IGSF21: variants seen among roughly 807,000 people sequenced by gnomAD.
IGSF21 encodes immunoglobulin superfamily member 21.
A neutral mutation model predicts 46.8 loss-of-function variants in IGSF21; 28 were observed. That is an observed-to-expected ratio of 0.60 (90% CI 0.44 to 0.82). The LOEUF (loss-of-function observed/expected upper bound fraction) is 0.82. Ranked by LOEUF, IGSF21 falls within the 40% of genes least tolerant of loss-of-function variation. The pLI is 0.00. For synonymous variants in IGSF21, 284 were observed against 273.6 expected (o/e 1.04, Z -0.38); for missense variants, 624 against 665.5 (o/e 0.94, Z 0.69).
chr1:18,241,632 G>A (rs368735535), intron 2 of IGSF21, among the ~76,000 whole-genome samples: 54 of 152,276 alleles, frequency 3.5e-4, no homozygotes, highest in East Asian at 9.7e-4. Context: ...CCTCGAATGC[G>A]CTGAATCCCT....
intron 1 of IGSF21, among the ~76,000 whole-genome samples, chr1:18,215,715 G>A (rs774588573): frequency 3.0e-4 from 46 of 152,164 alleles, no homozygotes; most frequent in Non-Finnish European, 5.3e-4. Context: ...CAAGAGATGA[G>A]CAGAGCAGGA....
intron 4 of IGSF21, among the ~76,000 whole-genome samples, chr1:18,342,075 T>G (rs2085848398): frequency 6.6e-6 from 1 of 151,518 alleles, no homozygotes. Context: ...TTTTGTTTGT[T>G]TGTTTGTTTG....
At position 18,322,183 on chromosome 1, in the gene IGSF21, C is replaced by A. The variant is rs1389048268; in HGVS notation, c.306-12709C>A. 1.3e-5 allele frequency among the ~76,000 whole-genome samples: 2 copies of A among 152,152 alleles called. No individual in the cohort carries two copies. The highest frequency in any genetic ancestry group is 2.4e-5 in the African/African-American group (1 of 41,432). On this transcript the variant is annotated intron_variant, in intron 3 of 9. Transcript: ENST00000251296. This position sits in a 1 kb window ranked among gnomAD's most constrained non-coding sequence, Gnocchi z 4.3. ...TCGCACACAGGAGGTGCTCAGTGAA[C>A]CTCTCACTGGTACACTGATGAACGA...
rs375296218 is a variant in IGSF21 at position 18,365,206 on chromosome 1, C to G, written c.541-17C>G. 6.4e-7 allele frequency: 1 copy of G among 1,570,504 alleles called. No individual in the cohort carries two copies. ...GTAGCACAAAATCATTTTCCCACACCCTCCTTACAATGGCAGGTTTATTTC... is the reference window on the plus strand; with the variant it reads ...GTAGCACAAAATCATTTTCCCACACGCTCCTTACAATGGCAGGTTTATTTC... On this transcript the variant is annotated splice_polypyrimidine_tract_variant and intron_variant, in intron 5 of 9. Transcript: ENST00000251296. This position sits in a 1 kb window ranked among gnomAD's most constrained non-coding sequence, Gnocchi z 4.8.
chr1:18,282,367 C>T (rs1052706486), intron 2 of IGSF21, among the ~76,000 whole-genome samples: 3 of 152,070 alleles, frequency 2.0e-5, no homozygotes, highest in Non-Finnish European at 4.4e-5. Flanking sequence ...CACTGAAGTT[C>T]GAATGTCTGG....
intron 3 of IGSF21, 72 bp downstream of exon 3, chr1:18,292,059 T>A: frequency 2.0e-6 from 3 of 1,480,710 alleles, no homozygotes; most frequent in Non-Finnish European, 2.8e-6. Flanking sequence ...AGAGGGCAGT[T>A]CTCCAGCCCT....
intron 3 of IGSF21, among the ~76,000 whole-genome samples, chr1:18,298,358 T>A (rs2085331268): frequency 6.6e-6 from 1 of 152,098 alleles, no homozygotes; most frequent in African/African-American, 2.4e-5. Flanking sequence ...CAAGGTGCCG[T>A]ATTTGAGGTA....
intron 1 of IGSF21, among the ~76,000 whole-genome samples, chr1:18,149,746 A>G (rs527306109): frequency 1.3e-5 from 2 of 152,064 alleles, no homozygotes; most frequent in African/African-American, 4.8e-5. Flanking sequence ...CTCTGGCTCC[A>G]TAATTTTTCG....
intron 1 of IGSF21, among the ~76,000 whole-genome samples, chr1:18,209,366 C>T (rs900781681): frequency 6.6e-6 from 1 of 152,198 alleles, no homozygotes; most frequent in Non-Finnish European, 1.5e-5. Flanking sequence ...TGGCCTGTCT[C>T]AATGCCTTTC....
chr1:18,181,063 CCTT>C (rs1324556244), intron 1 of IGSF21, among the ~76,000 whole-genome samples: 1 of 152,166 alleles, frequency 6.6e-6, no homozygotes, highest in African/African-American at 2.4e-5. Flanking sequence ...CTGAGTGCTC[CCTT>C]CTTCTGCATC....
chr1:18,315,466 A>T (rs1238412286), intron 3 of IGSF21, among the ~76,000 whole-genome samples: 1 of 152,204 alleles, frequency 6.6e-6, no homozygotes, highest in Non-Finnish European at 1.5e-5. Context: ...GCTCACTGTT[A>T]TCTTCCTAGT....
At chr1:18,320,573 C>G (rs1004269472) in intron 3 of IGSF21, among the ~76,000 whole-genome samples, 4 of 152,210 alleles carry the variant, frequency 2.6e-5, no homozygotes, top group Non-Finnish European at 5.9e-5. Context: ...GGGCCCCAGG[C>G]CTAACCACAG....
At chr1:18,122,648 T>C (rs1409057452) in intron 1 of IGSF21, among the ~76,000 whole-genome samples, 1 of 146,844 alleles carries the variant, frequency 6.8e-6, no homozygotes, top group Non-Finnish European at 1.5e-5. Context: ...TGAGATGGAG[T>C]CTCGCTCTGT....
chr1:18,364,317 G>C (rs1441294295), intron 5 of IGSF21, among the ~76,000 whole-genome samples: 1 of 151,900 alleles, frequency 6.6e-6, no homozygotes. Flanking sequence ...ACCAACGCAG[G>C]CTATCATGTG....
chr1:18,305,600 GGATA>G (rs1406585662), intron 3 of IGSF21, among the ~76,000 whole-genome samples: 55 of 149,034 alleles, frequency 3.7e-4, no homozygotes, highest in South Asian at 6.5e-4. Flanking sequence ...GATGGATGAT[GGATA>G]GATGGATGGA....
intron 2 of IGSF21, among the ~76,000 whole-genome samples, chr1:18,282,782 C>G (rs375680050): frequency 2.5e-4 from 38 of 152,250 alleles, no homozygotes; most frequent in African/African-American, 8.2e-4. Flanking sequence ...TGACACGCAG[C>G]CCTGAAAATG....
intron 2 of IGSF21, among the ~76,000 whole-genome samples, chr1:18,246,055 C>A (rs1173918384): frequency 6.6e-6 from 1 of 152,140 alleles, no homozygotes; most frequent in African/African-American, 2.4e-5. Flanking sequence ...GCTCTCTGAC[C>A]TTCTTTTTGT....
chr1:18,132,925 G>GGAGGGGACGGAGACAGGGGGAGA, intron 1 of IGSF21, among the ~76,000 whole-genome samples: 2 of 152,094 alleles, frequency 1.3e-5, no homozygotes, highest in Non-Finnish European at 2.9e-5. Context: ...AGTGGGGGAG[G>GGAGGGGACGGAGACAGGGGGAGA]GAGGGGACGG....
intron 1 of IGSF21, among the ~76,000 whole-genome samples, chr1:18,145,013 T>C (rs560245432): frequency 6.6e-6 from 1 of 152,216 alleles, no homozygotes; most frequent in East Asian, 1.9e-4. Flanking sequence ...AAAAGATAAC[T>C]TTTTTTATTA....
Sources: gnomAD v4.1 joint callset for allele counts (sites outside exome capture counted in the v4.1 genomes callset) on GRCh38, gnomAD v4.1.1 for gene constraint, Gnocchi (gnomAD v3.1) non-coding constraint, MANE v1.5 for transcripts, NCBI Gene and HGNC (gene_info 2026-07-23, HGNC 2026-07-21) for gene names.